Variants in MGMT observed in about 807,000 individuals in gnomAD.
MGMT encodes the protein methylated-DNA--protein-cysteine methyltransferase.
In MGMT, 14 loss-of-function variants were observed where a neutral mutation model predicts 15.9. The observed-to-expected ratio is 0.88, with a 90% confidence interval of 0.58 to 1.37. The LOEUF is 1.37. Among genes scored for constraint, MGMT ranks in the 40% most tolerant of loss-of-function variants. The pLI, the probability that MGMT is intolerant of heterozygous loss-of-function variation, is 0.00. For missense variants in MGMT, 282 were observed against 268.1 expected (o/e 1.05, Z -0.36); for synonymous variants, 130 against 118.2 (o/e 1.10, Z -0.65).
chr10:129,602,946 A>G (rs978808729), intron 2 of MGMT, among the ~76,000 whole-genome samples: 1 of 152,234 alleles, frequency 6.6e-6, no homozygotes, highest in Non-Finnish European at 1.5e-5. Context: ...GAGGTTCCAC[A>G]CAAAGCAAAC....
intron 3 of MGMT, among the ~76,000 whole-genome samples, chr10:129,735,117 A>G (rs1233130056): frequency 6.6e-6 from 1 of 152,070 alleles, no homozygotes; most frequent in Non-Finnish European, 1.5e-5. Context: ...TATTGATTGG[A>G]ATAGTTTCAG....
At chr10:129,612,131 A>T (rs1287329009) in intron 2 of MGMT, among the ~76,000 whole-genome samples, 1 of 152,202 alleles carries the variant, frequency 6.6e-6, no homozygotes, top group Admixed American at 6.5e-5. Flanking sequence ...TTATAGGTAG[A>T]TTTAAAAATC....
intron 2 of MGMT, among the ~76,000 whole-genome samples, chr10:129,551,952 T>C (rs1846162336): frequency 6.6e-6 from 1 of 152,100 alleles, no homozygotes; most frequent in Admixed American, 6.5e-5. Flanking sequence ...CTTGCTGGCA[T>C]GTTCAGCCCA....
chr10:129,529,490 G>A (rs562907361), intron 1 of MGMT, among the ~76,000 whole-genome samples: 23 of 152,198 alleles, frequency 1.5e-4, no homozygotes, highest in African/African-American at 5.1e-4. Context: ...TGACAGTAAC[G>A]CTGGCTCACC....
chr10:129,665,751 T>C (rs753783533), intron 2 of MGMT, among the ~76,000 whole-genome samples: 1 of 152,194 alleles, frequency 6.6e-6, no homozygotes, highest in African/African-American at 2.4e-5. Context: ...GGGTGAGTTT[T>C]ACTTCATGTA....
At position 129,638,429 on chromosome 10, in the gene MGMT, C is replaced by CAAAAAAAAAAAAAAAAAAAAAAAAAAA; in HGVS notation, c.126-69450_126-69449insAAAAAAAAAAAAAAAAAAAAAAAAAAA. On this transcript the variant is annotated intron_variant, in intron 2 of 4. Transcript: ENST00000651593. ...GAAGTCCAAGAGAGGACCAAAGAGG[C>CAAAAAAAAAAAAAAAAAAAAAAAAAAA]AAAAAAAAAAAAAAAAGAAAAAAAA... 2.3e-3 allele frequency among the ~76,000 whole-genome samples: 143 copies of CAAAAAAAAAAAAAAAAAAAAAAAAAAA among 61,760 alleles called. 25 individuals are homozygous for CAAAAAAAAAAAAAAAAAAAAAAAAAAA. Among genetic ancestry groups the CAAAAAAAAAAAAAAAAAAAAAAAAAAA allele is most frequent in the Non-Finnish European group, 3.6e-3 (111 of 30,724 alleles). 40.5% of individuals were successfully genotyped at this position (61,760 alleles called of 152,430 possible). A position where few individuals can be genotyped will look rare whatever the true frequency, so the allele number is the denominator to read the frequency against.
At chr10:129,502,694 G>A (rs1032167246) in intron 1 of MGMT, among the ~76,000 whole-genome samples, 2 of 152,142 alleles carry the variant, frequency 1.3e-5, no homozygotes, top group African/African-American at 2.4e-5. Context: ...CTAAATTTCC[G>A]TGCTCCCTGT....
intron 2 of MGMT, among the ~76,000 whole-genome samples, chr10:129,697,267 C>T (rs1848042777): frequency 1.3e-5 from 2 of 152,182 alleles, no homozygotes; most frequent in South Asian, 4.1e-4. Context: ...AATCAAAATG[C>T]TATTCTATGT....
Position 129,758,883 on chromosome 10 carries a change from C to G in MGMT, c.275-319C>G, listed in dbSNP as rs187665733. 3.3e-5 allele frequency among the ~76,000 whole-genome samples: 5 copies of G among 152,332 alleles called. No homozygotes were observed. The East Asian group carries it at 9.7e-4, about 30-fold the overall frequency. Reference sequence around the variant, plus strand: ...GTGTGTATTAATTGAGCCATGAGCTCACTTACACACGCCCAGTCGCTAGAA... The same window carrying G: ...GTGTGTATTAATTGAGCCATGAGCTGACTTACACACGCCCAGTCGCTAGAA... On this transcript the variant is annotated intron_variant, in intron 3 of 4. Transcript: ENST00000651593.
intron 1 of MGMT, among the ~76,000 whole-genome samples, chr10:129,529,129 G>A (rs912338072): frequency 1.3e-5 from 2 of 152,006 alleles, no homozygotes; most frequent in Non-Finnish European, 2.9e-5. Context: ...CGGTAGAGCG[G>A]AGGCTGTGAA....
intron 1 of MGMT, among the ~76,000 whole-genome samples, chr10:129,489,403 C>T (rs1845445354): frequency 6.7e-6 from 1 of 148,190 alleles, no homozygotes; most frequent in African/African-American, 2.5e-5. Flanking sequence ...AGTAAATCCT[C>T]ATATCTTGAT....
intron 3 of MGMT, among the ~76,000 whole-genome samples, chr10:129,747,847 A>G (rs1166137456): frequency 1.3e-5 from 2 of 152,094 alleles, no homozygotes; most frequent in African/African-American, 2.4e-5. Context: ...GTACTGATTA[A>G]CTATTTTGTA....
intron 3 of MGMT, among the ~76,000 whole-genome samples, chr10:129,742,049 A>T (rs1848640285): frequency 6.6e-6 from 1 of 152,166 alleles, no homozygotes; most frequent in South Asian, 2.1e-4. Context: ...GGGGAAGTAG[A>T]AATTGGCTCC....
chr10:129,707,534 C>T (rs1254776576), intron 2 of MGMT, among the ~76,000 whole-genome samples: 6 of 152,154 alleles, frequency 3.9e-5, no homozygotes, highest in African/African-American at 1.4e-4. Context: ...CCGTGTGGTG[C>T]AGTCTAATGA....
At chr10:129,723,270 A>C (rs1292744143) in intron 3 of MGMT, among the ~76,000 whole-genome samples, 1 of 152,080 alleles carries the variant, frequency 6.6e-6, no homozygotes. Context: ...TCCCTCACCC[A>C]CTTCCCAACC....
At position 129,613,341 on chromosome 10, in the gene MGMT, C is replaced by T. The variant is rs545546275; in HGVS notation, c.125+76964C>T. 2.0e-5 allele frequency among the ~76,000 whole-genome samples: 3 copies of T among 152,296 alleles called. No homozygotes were observed. In the South Asian group the frequency reaches 6.2e-4, roughly 32 times the overall value. On this transcript the variant is annotated intron_variant, in intron 2 of 4. Transcript: ENST00000651593. ...AAAGACGGGAAGCGTCCTTGATCCA[C>T]ATTTTGCCTGTGATTTGAATATCAC...
chr10:129,657,773 G>A (rs1847548290), intron 2 of MGMT, among the ~76,000 whole-genome samples: 2 of 151,314 alleles, frequency 1.3e-5, no homozygotes, highest in African/African-American at 4.9e-5. Context: ...CTCTTAGCGT[G>A]TGTGGAGTCA....
intron 3 of MGMT, among the ~76,000 whole-genome samples, chr10:129,736,224 G>A (rs1405207529): frequency 6.7e-6 from 1 of 148,906 alleles, no homozygotes; most frequent in Non-Finnish European, 1.5e-5. Flanking sequence ...CTCAGGACTT[G>A]CTTTACGAAT....
chr10:129,508,275 C>A (rs1438768241), intron 1 of MGMT, among the ~76,000 whole-genome samples: 1 of 152,124 alleles, frequency 6.6e-6, no homozygotes, highest in Non-Finnish European at 1.5e-5. Context: ...CTTTCACATA[C>A]CTGGTGATAC....
Sources: gnomAD v4.1 joint callset for allele counts (sites outside exome capture counted in the v4.1 genomes callset) on GRCh38, gnomAD v4.1.1 for gene constraint, MANE v1.5 for transcripts, NCBI Gene and HGNC (gene_info 2026-07-23, HGNC 2026-07-21) for gene names.